The following CDH13 variants were observed in gnomAD, a reference collection of about 807,000 sequenced individuals.
CDH13 encodes the protein cadherin 13.
Under a neutral mutation model 63.8 loss-of-function variants are expected in CDH13, and 24 were observed. The observed-to-expected ratio is 0.38, with a 90% CI of 0.27 to 0.53. The LOEUF is 0.53. Among genes scored for constraint, CDH13 ranks in the 20% least tolerant of loss-of-function variants. CDH13 has a pLI of 0.85. For missense variants in CDH13, 1,049 were observed against 903.1 expected (o/e 1.16, Z -2.07); for synonymous variants, 503 against 355.3 (o/e 1.42, Z -4.67).
chr16:82,959,544 G>T (rs1906638515), intron 2 of CDH13, among the ~76,000 whole-genome samples: 1 of 152,056 alleles, frequency 6.6e-6, no homozygotes, highest in Non-Finnish European at 1.5e-5. Flanking sequence ...ACAAAAGTTG[G>T]ATCTCTCCAG....
chr16:83,040,788 G>C (rs1229859963), intron 3 of CDH13, among the ~76,000 whole-genome samples: 3 of 152,096 alleles, frequency 2.0e-5, no homozygotes, highest in Non-Finnish European at 4.4e-5. Flanking sequence ...AAAGTACTTG[G>C]GACAGTCAGT....
At chr16:83,082,241 T>A (rs1347509447) in intron 3 of CDH13, among the ~76,000 whole-genome samples, 1 of 152,224 alleles carries the variant, frequency 6.6e-6, no homozygotes, top group Admixed American at 6.5e-5. Flanking sequence ...TATGTCTTTC[T>A]CACATGCAAA....
chr16:82,660,993 C>A (rs1911877435), intron 1 of CDH13, among the ~76,000 whole-genome samples: 1 of 152,060 alleles, frequency 6.6e-6, no homozygotes, highest in Non-Finnish European at 1.5e-5. Context: ...CAAACACCCA[C>A]CACCTTCTCC....
chr16:83,701,808 C>G (rs963556399), intron 10 of CDH13, among the ~76,000 whole-genome samples: 1 of 152,208 alleles, frequency 6.6e-6, no homozygotes, highest in Non-Finnish European at 1.5e-5. Flanking sequence ...CTCTGTGCCT[C>G]TGCCCAGTTT....
chr16:83,786,010 A>C (rs115306132), intron 13 of CDH13, among the ~76,000 whole-genome samples: 1 of 152,136 alleles, frequency 6.6e-6, no homozygotes, highest in African/African-American at 2.4e-5. Flanking sequence ...TAAGAATACA[A>C]GTGTGAAGAT....
intron 10 of CDH13, among the ~76,000 whole-genome samples, chr16:83,700,377 C>A (rs762361312): frequency 6.6e-6 from 1 of 152,316 alleles, no homozygotes; most frequent in East Asian, 1.9e-4. Context: ...CAAAAGGGCT[C>A]TCTGTCTTTA....
rs554423005 is a variant in CDH13, at chr16:83,443,257, C to T, written c.782-43220C>T. ...TTCTAGCTGCGTTTTTGCTGCTTCA[C>T]CCCTGGGGAGGCCACGCCTCTGAGA... On this transcript the variant is annotated intron_variant, in intron 6 of 13. Coordinates refer to ENST00000567109, the MANE Select transcript of CDH13 (RefSeq NM_001257.5). 7.2e-5 allele frequency among the ~76,000 whole-genome samples: 11 copies of T among 152,250 alleles called. No individual in the cohort carries two copies. The South Asian group carries it at 1.0e-3, about 14-fold the overall frequency.
chr16:83,384,614 T>A (rs1158397943), intron 6 of CDH13, among the ~76,000 whole-genome samples: 2 of 152,162 alleles, frequency 1.3e-5, no homozygotes, highest in African/African-American at 2.4e-5. Flanking sequence ...GAGAGCCTGG[T>A]CACTCTGGCA....
At chr16:83,538,662 A>T (rs1411140658) in intron 7 of CDH13, among the ~76,000 whole-genome samples, 1 of 152,212 alleles carries the variant, frequency 6.6e-6, no homozygotes, top group Non-Finnish European at 1.5e-5. Context: ...GATCATTTTT[A>T]TCAGGGATGT....
At chr16:83,142,699 T>C (rs1388581017) in intron 4 of CDH13, among the ~76,000 whole-genome samples, 1 of 152,224 alleles carries the variant, frequency 6.6e-6, no homozygotes, top group Non-Finnish European at 1.5e-5. Flanking sequence ...TTTACCCTTT[T>C]ATCTTCAGCA....
chr16:82,657,785 G>C (rs1370006559), intron 1 of CDH13, among the ~76,000 whole-genome samples: 2 of 152,282 alleles, frequency 1.3e-5, no homozygotes, highest in East Asian at 3.9e-4. Context: ...CTCGTATCTT[G>C]TAATCTTGGC....
intron 10 of CDH13, among the ~76,000 whole-genome samples, chr16:83,719,152 AG>A (rs1189820551): frequency 3.9e-5 from 6 of 152,196 alleles, no homozygotes; most frequent in Non-Finnish European, 7.3e-5. Context: ...AAATTATTGC[AG>A]AGAGTCCAGT....
At chr16:82,803,580 A>G (rs1241808874) in intron 1 of CDH13, among the ~76,000 whole-genome samples, 1 of 152,208 alleles carries the variant, frequency 6.6e-6, no homozygotes, top group Non-Finnish European at 1.5e-5. Flanking sequence ...TAGGTGTGCT[A>G]TAGGATGAAA....
intron 2 of CDH13, among the ~76,000 whole-genome samples, chr16:82,875,695 C>G (rs775898653): frequency 3.3e-5 from 5 of 152,156 alleles, no homozygotes; most frequent in Non-Finnish European, 5.9e-5. Flanking sequence ...TTTTATCTAT[C>G]TCAACAATGC....
chr16:82,909,248 GTATA>G (rs891564606), intron 2 of CDH13, among the ~76,000 whole-genome samples: 2 of 118,356 alleles, frequency 1.7e-5, no homozygotes, highest in African/African-American at 3.3e-5. Context: ...AGGACTGACT[GTATA>G]TGTGTGTGTG....
chr16:82,911,660 C>G (rs2041834397), intron 2 of CDH13, among the ~76,000 whole-genome samples: 1 of 152,198 alleles, frequency 6.6e-6, no homozygotes, highest in Non-Finnish European at 1.5e-5. Context: ...GAGCCTCACT[C>G]AGACACCTTG....
chr16:83,021,927 C>A (rs1056700654), intron 2 of CDH13, among the ~76,000 whole-genome samples: 1 of 152,164 alleles, frequency 6.6e-6, no homozygotes, highest in African/African-American at 2.4e-5. Context: ...ACTCATGGAT[C>A]TGACCCAATG....
intron 1 of CDH13, among the ~76,000 whole-genome samples, chr16:82,781,170 T>C (rs1161019981): frequency 6.6e-6 from 1 of 152,242 alleles, no homozygotes; most frequent in Non-Finnish European, 1.5e-5. Flanking sequence ...ATGCAGGCAA[T>C]TTTTTAAAAC....
At chr16:83,378,579 C>T (rs965305855) in intron 6 of CDH13, among the ~76,000 whole-genome samples, 2 of 152,264 alleles carry the variant, frequency 1.3e-5, no homozygotes, top group Admixed American at 1.3e-4. Context: ...GAAGCAAATG[C>T]AGCACAGTGG....
Sources: allele counts gnomAD v4.1 joint callset (sites outside exome capture counted in the v4.1 genomes callset), GRCh38; gene constraint gnomAD v4.1.1; transcripts MANE v1.5; gene names NCBI Gene and HGNC (gene_info 2026-07-23, HGNC 2026-07-21).